Variants in HHAT observed in about 807,000 individuals in gnomAD.
HHAT encodes hedgehog acyltransferase, also known as protein-cysteine N-palmitoyltransferase HHAT.
In HHAT, 47 loss-of-function variants were observed where a neutral mutation model predicts 70.8. That is an observed-to-expected ratio of 0.66 (90% CI 0.53 to 0.85). The LOEUF is 0.85. Among genes scored for constraint, HHAT ranks in the 40% least tolerant of loss-of-function variants. The pLI is 0.00. For missense variants in HHAT, 609 were observed against 604.8 expected, an observed-to-expected ratio of 1.01 and a Z score of -0.07; for synonymous variants, 228 against 247.6, an observed-to-expected ratio of 0.92 and a Z score of 0.74.
intron 2 of HHAT, among the ~76,000 whole-genome samples, chr1:210,358,007 A>G (rs753851853): frequency 5.9e-5 from 9 of 152,160 alleles, no homozygotes; most frequent in Non-Finnish European, 1.0e-4. Flanking sequence ...ATCCTTACAT[A>G]GGAGAGTGTT....
At chr1:210,487,201 A>G (rs1572776878) in intron 8 of HHAT, among the ~76,000 whole-genome samples, 1 of 152,202 alleles carries the variant, frequency 6.6e-6, no homozygotes, top group African/African-American at 2.4e-5. Flanking sequence ...AGATATGTGG[A>G]CAGAGTGAGG....
At chr1:210,497,263 G>T (rs1392052049) in intron 8 of HHAT, among the ~76,000 whole-genome samples, 1 of 152,172 alleles carries the variant, frequency 6.6e-6, no homozygotes, top group Non-Finnish European at 1.5e-5. Flanking sequence ...TCCCTGGTGT[G>T]AAAACAAATC....
chr1:210,552,350 G>C (rs147746237), intron 9 of HHAT, among the ~76,000 whole-genome samples: 26 of 152,176 alleles, frequency 1.7e-4, no homozygotes, highest in Non-Finnish European at 3.2e-4. Flanking sequence ...TTACATGTCC[G>C]ATTTGTGTCC....
intron 11 of HHAT, among the ~76,000 whole-genome samples, chr1:210,673,577 C>T (rs1329071072): frequency 2.2e-5 from 3 of 133,670 alleles, no homozygotes; most frequent in Admixed American, 8.3e-5. Flanking sequence ...GTCCTCTAAA[C>T]GTGGATTCTT....
chr1:210,637,871 A>AGGGG lies in HHAT; in HGVS notation c.1390+14206_1390+14209dup, dbSNP rs1553312397. The stretch of plus-strand genomic sequence containing the variant: ...GAGACTCCGTCTCAAAAAAAAAAAA[A>AGGGG]GGGGGGGGCAAAGGACCTGAATAGA... On this transcript the variant is annotated intron_variant, in intron 11 of 11. Coordinates refer to ENST00000261458, the MANE Select transcript of HHAT (RefSeq NM_018194.6). Among the ~76,000 whole-genome samples, 566 of 117,374 alleles carry AGGGG rather than the reference A, an allele frequency of 4.8e-3. 1 individual carries two copies. Among genetic ancestry groups the AGGGG allele is most frequent in the African/African-American group, 0.017 (535 of 30,884 alleles). 77.0% of individuals were successfully genotyped at this position (117,374 alleles called of 152,430 possible).
At chr1:210,536,860 T>A (rs148748362) in intron 9 of HHAT, among the ~76,000 whole-genome samples, 95 of 145,700 alleles carry the variant, frequency 6.5e-4, no homozygotes, top group South Asian at 3.3e-3. Flanking sequence ...GTCTCGGGCC[T>A]CTGTCTGCTA....
intron 10 of HHAT, among the ~76,000 whole-genome samples, chr1:210,601,700 A>T (rs12024921): frequency 0.27 from 40,719 of 152,076 alleles, 6,915 homozygotes; most frequent in East Asian, 0.68. Context: ...CTCCTATCAG[A>T]GTACTCATAT....
chr1:210,625,225 G>C (rs1669611859), intron 11 of HHAT, among the ~76,000 whole-genome samples: 1 of 152,146 alleles, frequency 6.6e-6, no homozygotes, highest in African/African-American at 2.4e-5. Flanking sequence ...AGAGATAATA[G>C]GGCATTATGG....
chr1:210,346,919 A>G (rs11580431), intron 1 of HHAT, among the ~76,000 whole-genome samples: 58,118 of 152,066 alleles, frequency 0.38, 11,438 homozygotes, highest in South Asian at 0.46. Flanking sequence ...ATATTTAGAC[A>G]AAAATTGTAC....
chr1:210,552,722 G>A (rs1393102121), intron 9 of HHAT, among the ~76,000 whole-genome samples: 1 of 152,202 alleles, frequency 6.6e-6, no homozygotes, highest in Non-Finnish European at 1.5e-5. Context: ...GGGTGAGGCA[G>A]CTCTCTTGGA....
chr1:210,668,861 C>T (rs1262934835), intron 11 of HHAT, among the ~76,000 whole-genome samples: 2 of 152,162 alleles, frequency 1.3e-5, no homozygotes, highest in African/African-American at 4.8e-5. Context: ...GCAACCTCCT[C>T]CTCCCAGGTT....
At position 210,422,080 on chromosome 1, in the gene HHAT, TTTAG is replaced by T. The variant is rs2092919850; in HGVS notation, c.856+3759_856+3762del. On this transcript the variant is annotated intron_variant, in intron 7 of 11. Coordinates refer to ENST00000261458, the MANE Select transcript of HHAT (RefSeq NM_018194.6). ...TAAAGCTTTTAAAGTTAAAAAAATC[TTTAG>T]TTATTGTGTACATTTGCATCATAGA... Among the ~76,000 whole-genome samples the T allele has an allele frequency of 2.6e-5, 4 of 152,342 alleles. No homozygotes were observed. The South Asian group carries it at 8.3e-4, about 32-fold the overall frequency.
intron 4 of HHAT, 143 bp downstream of exon 4, chr1:210,387,724 A>G (rs1229137421): frequency 1.1e-5 from 7 of 627,900 alleles, no homozygotes; most frequent in Non-Finnish European, 2.0e-5. Flanking sequence ...AATCAATATA[A>G]CATTTAAGAT....
intron 6 of HHAT, among the ~76,000 whole-genome samples, chr1:210,410,501 T>C (rs1397879958): frequency 6.6e-6 from 1 of 150,878 alleles, no homozygotes; most frequent in Non-Finnish European, 1.5e-5. Flanking sequence ...TGTTTTTCTT[T>C]TGCTGTGTTG....
intron 1 of HHAT, among the ~76,000 whole-genome samples, chr1:210,341,188 CT>C (rs1489925370): frequency 6.6e-6 from 1 of 152,108 alleles, no homozygotes; most frequent in Middle Eastern, 3.2e-3. Flanking sequence ...GATGGTGATG[CT>C]GGTATGGAGG....
intron 11 of HHAT, among the ~76,000 whole-genome samples, chr1:210,625,016 C>A (rs1669559626): frequency 6.6e-6 from 1 of 152,184 alleles, no homozygotes; most frequent in African/African-American, 2.4e-5. Flanking sequence ...CTGCAGTATT[C>A]CAGAATGGCA....
At chr1:210,453,630 C>CT (rs567563379) in intron 7 of HHAT, among the ~76,000 whole-genome samples, 106 of 152,226 alleles carry the variant, frequency 7.0e-4, no homozygotes, top group Admixed American at 2.1e-3. Flanking sequence ...GTACGGACAA[C>CT]TTCTTAGATG....
chr1:210,489,032 T>C (rs2094513843), intron 8 of HHAT, among the ~76,000 whole-genome samples: 1 of 152,234 alleles, frequency 6.6e-6, no homozygotes, highest in Admixed American at 6.5e-5. Flanking sequence ...AGCAATGCTT[T>C]GCTGAATGGT....
intron 1 of HHAT, among the ~76,000 whole-genome samples, chr1:210,346,082 AAAAG>A (rs2086497443): frequency 6.6e-6 from 1 of 152,032 alleles, no homozygotes; most frequent in Non-Finnish European, 1.5e-5. Flanking sequence ...AAAAAAAAAA[AAAAG>A]CAGCACCAAA....
Sources: allele counts gnomAD v4.1 joint callset (sites outside exome capture counted in the v4.1 genomes callset), GRCh38; gene constraint gnomAD v4.1.1; transcripts MANE v1.5; gene names NCBI Gene and HGNC (gene_info 2026-07-23, HGNC 2026-07-21).